Variants in HS3ST5 observed in about 807,000 individuals in gnomAD.
HS3ST5 encodes heparan sulfate-glucosamine 3-sulfotransferase 5, also known as heparan sulfate glucosamine 3-O-sulfotransferase 5.
Under a neutral mutation model 25.4 loss-of-function variants are expected in HS3ST5, and 10 were observed. The ratio of observed to expected loss-of-function variants is 0.39; its 90% CI spans 0.24 to 0.67. The LOEUF (loss-of-function observed/expected upper bound fraction) is 0.67, where lower values mean the gene tolerates loss of function less well. HS3ST5 is among the 30% of genes least tolerant of loss of function. The probability of loss-of-function intolerance (pLI) is 0.44; values close to 1 mark genes in which losing one functional copy is unlikely to be tolerated. For synonymous variants in HS3ST5, 170 were observed against 162.4 expected (o/e 1.05, Z -0.36); for missense variants, 324 against 420.7 (o/e 0.77, Z 2.01).
At chr6:114,289,147 T>C (rs899011450) in intron 1 of HS3ST5, among the ~76,000 whole-genome samples, 6 of 152,130 alleles carry the variant, frequency 3.9e-5, no homozygotes, top group African/African-American at 1.4e-4. Flanking sequence ...ATCTAGAATA[T>C]ACATATTTTA....
chr6:114,204,200 T>C lies in HS3ST5; in HGVS notation c.-145+24385A>G, dbSNP rs115428801. 3.1e-3 allele frequency among the ~76,000 whole-genome samples: 466 copies of C among 152,258 alleles called. 2 individuals are homozygous for C. Among genetic ancestry groups the C allele is most frequent in the African/African-American group, 0.011 (447 of 41,560 alleles). Reference sequence around the variant, plus strand: ...ACAGGGAAGGGAAAAATAACAATTGTTCCTTTTCATAGGTCTGGATCTGAG... The same window carrying C: ...ACAGGGAAGGGAAAAATAACAATTGCTCCTTTTCATAGGTCTGGATCTGAG... On this transcript the variant is annotated intron_variant, in intron 2 of 4. Transcript: ENST00000312719.
chr6:114,089,180 G>A (rs186103765), intron 3 of HS3ST5, among the ~76,000 whole-genome samples: 152 of 152,334 alleles, frequency 1.0e-3, no homozygotes, highest in South Asian at 1.7e-3. Flanking sequence ...ATGTAGAGAG[G>A]GGAAGGACAG....
intron 1 of HS3ST5, among the ~76,000 whole-genome samples, chr6:114,275,759 TATATA>T (rs1307005500): frequency 3.9e-5 from 6 of 152,172 alleles, no homozygotes; most frequent in Middle Eastern, 3.4e-3. Flanking sequence ...ATTTAAATGT[TATATA>T]ATATTCACAC....
intron 3 of HS3ST5, among the ~76,000 whole-genome samples, chr6:114,080,868 T>TAGACCTCAGGGTACAATGTACCCA (rs1774416531): frequency 6.7e-6 from 1 of 149,374 alleles, no homozygotes; most frequent in African/African-American, 2.4e-5. Flanking sequence ...ATTTGTACCC[T>TAGACCTCAGGGTACAATGTACCCA]AGACCTCAGG....
At chr6:114,141,982 C>T (rs1777927936) in intron 3 of HS3ST5, among the ~76,000 whole-genome samples, 1 of 151,808 alleles carries the variant, frequency 6.6e-6, no homozygotes, top group African/African-American at 2.4e-5. Context: ...TTCCCTGCTT[C>T]ATGTTCCATC....
rs147757260 is a variant in HS3ST5 at position 114,230,883 on chromosome 6, C to T, written c.-338-2105G>A. ...GATTACAGGCTCGAGCCACCGCGCCCGGCCCCTAAGACGTACTTCTTAAAG... is the reference window on the plus strand; with the variant it reads ...GATTACAGGCTCGAGCCACCGCGCCTGGCCCCTAAGACGTACTTCTTAAAG... On this transcript the variant is annotated intron_variant, in intron 1 of 4. Transcript: ENST00000312719. Among the ~76,000 whole-genome samples the T allele has an allele frequency of 3.1e-3, 469 of 152,218 alleles. 4 individuals are homozygous for T. Among genetic ancestry groups the T allele is most frequent in the African/African-American group, 0.011 (452 of 41,538 alleles).
chr6:114,166,973 A>G (rs1779243456), intron 3 of HS3ST5, among the ~76,000 whole-genome samples: 1 of 152,232 alleles, frequency 6.6e-6, no homozygotes, highest in Non-Finnish European at 1.5e-5. Context: ...TAAAACTATA[A>G]GAACAGAAAA....
chr6:114,284,159 C>T (rs912468305), intron 1 of HS3ST5, among the ~76,000 whole-genome samples: 4 of 151,910 alleles, frequency 2.6e-5, no homozygotes, highest in African/African-American at 9.7e-5. Flanking sequence ...ATGCTTGGCC[C>T]ACCTTATAGG....
intron 2 of HS3ST5, among the ~76,000 whole-genome samples, chr6:114,190,243 C>G (rs1015667368): frequency 2.0e-5 from 3 of 152,124 alleles, no homozygotes; most frequent in African/African-American, 7.2e-5. Flanking sequence ...CTTCCTGTTA[C>G]TAAGCTTACC....
At chr6:114,296,117 A>T (rs1483891676) in intron 1 of HS3ST5, among the ~76,000 whole-genome samples, 3 of 152,182 alleles carry the variant, frequency 2.0e-5, no homozygotes, top group Non-Finnish European at 4.4e-5. Flanking sequence ...ACTTTTTTTG[A>T]GTGCAAAAAT....
chr6:114,256,342 T>C (rs1020158420), intron 1 of HS3ST5, among the ~76,000 whole-genome samples: 53 of 150,450 alleles, frequency 3.5e-4, no homozygotes, highest in Non-Finnish European at 1.3e-4. Context: ...GAGCCGAGAT[T>C]GCGCCACTGC....
chr6:114,134,611 C>G (rs886791744), intron 3 of HS3ST5, among the ~76,000 whole-genome samples: 1 of 152,130 alleles, frequency 6.6e-6, no homozygotes, highest in Non-Finnish European at 1.5e-5. Flanking sequence ...AATACCTGCT[C>G]GGGCCTTACC....
chr6:114,289,077 G>A (rs1051936299), intron 1 of HS3ST5, among the ~76,000 whole-genome samples: 49 of 152,022 alleles, frequency 3.2e-4, no homozygotes, highest in African/African-American at 1.2e-3. Context: ...ATATTTGAAT[G>A]GATGAGTGAA....
At chr6:114,267,402 A>T (rs1773452789) in intron 1 of HS3ST5, among the ~76,000 whole-genome samples, 1 of 152,184 alleles carries the variant, frequency 6.6e-6, no homozygotes, top group South Asian at 2.1e-4. Flanking sequence ...AGAGGTGCTT[A>T]GCACCTACCA....
At chr6:114,329,648 G>A (rs1358420394) in intron 1 of HS3ST5, among the ~76,000 whole-genome samples, 3 of 152,158 alleles carry the variant, frequency 2.0e-5, no homozygotes, top group Non-Finnish European at 4.4e-5. Context: ...AGTAAGCACA[G>A]CAGGAAGTAT....
At chr6:114,336,050 T>A (rs891183412) in intron 1 of HS3ST5, among the ~76,000 whole-genome samples, 8 of 152,202 alleles carry the variant, frequency 5.3e-5, no homozygotes, top group African/African-American at 1.9e-4. Context: ...TCTTTCTTCA[T>A]ACACTTCCAT....
intron 2 of HS3ST5, among the ~76,000 whole-genome samples, chr6:114,181,379 C>A (rs559485166): frequency 6.6e-6 from 1 of 152,300 alleles, no homozygotes; most frequent in Admixed American, 6.5e-5. Flanking sequence ...AATATATTTT[C>A]CAATGGTCAT....
intron 2 of HS3ST5, among the ~76,000 whole-genome samples, chr6:114,198,911 T>C (rs1780886250): frequency 6.6e-6 from 1 of 152,128 alleles, no homozygotes; most frequent in Admixed American, 6.6e-5. Flanking sequence ...CAGGTGTAGC[T>C]ACCTAGAGAC....
At chr6:114,304,203 T>C (rs929037548) in intron 1 of HS3ST5, among the ~76,000 whole-genome samples, 1 of 152,154 alleles carries the variant, frequency 6.6e-6, no homozygotes, top group African/African-American at 2.4e-5. Context: ...GTTAGAAAGA[T>C]GAAAAAGATA....
Sources: gnomAD v4.1 joint callset for allele counts (sites outside exome capture counted in the v4.1 genomes callset) on GRCh38, gnomAD v4.1.1 for gene constraint, MANE v1.5 for transcripts, NCBI Gene and HGNC (gene_info 2026-07-23, HGNC 2026-07-21) for gene names.